The following SYTL4 variants were observed in gnomAD, a reference collection of about 807,000 sequenced individuals.
SYTL4 encodes synaptotagmin like 4, also known as synaptotagmin-like protein 4.
A neutral mutation model predicts 52.7 loss-of-function variants in SYTL4; 16 were observed. That is an observed-to-expected ratio of 0.30 (90% CI 0.21 to 0.46). The LOEUF (loss-of-function observed/expected upper bound fraction) is 0.46, where lower values mean the gene tolerates loss of function less well. SYTL4 is among the 20% of genes least tolerant of loss of function. The pLI, the probability that SYTL4 is intolerant of heterozygous loss-of-function variation, is 1.00. For missense variants in SYTL4, 423 were observed against 519.9 expected (o/e 0.81, Z 1.81); for synonymous variants, 160 against 186.6 (o/e 0.86, Z 1.16).
At position 100,678,494 on chromosome X, in the gene SYTL4, C is replaced by T. The variant is rs1213120379; in HGVS notation, c.1764G>A (p.Arg588=). ...YNHTFVYNGV[R]LEDLQHMCLE... ...GGCACATATGCTGTAGATCTTCCAG[C>T]CTCACACCATTGTAGACAAATGTAT... Residue 588 remains arginine (R), a synonymous_variant, in exon 19 of 20, where the codon AGG becomes AGA. Transcript: ENST00000372989. 1.2e-5 allele frequency: 15 copies of T among 1,208,429 alleles called. No homozygotes were observed. The highest frequency in any genetic ancestry group is 1.7e-5 in the Non-Finnish European group (15 of 894,077).
chrX:100,685,957 A>T (rs774938740), intron 16 of SYTL4, 33 bp downstream of exon 16: 9 of 1,162,304 alleles, frequency 7.7e-6, no homozygotes, highest in Non-Finnish European at 9.2e-6. Context: ...TCTACCTCAG[A>T]TCCAAACTGC....
chrX:100,701,607 A>C lies in SYTL4; in HGVS notation c.177T>G (p.Ser59Arg), dbSNP rs1417146838. ...CCTGGCACCGGGCACAGGTCCGATCACTGTAGTGTTGGCTGCCCCTCTTGG... is the reference window on the plus strand; with the variant it reads ...CCTGGCACCGGGCACAGGTCCGATCCCTGTAGTGTTGGCTGCCCCTCTTGG... Reference protein sequence around the residue: ...KGAKRGSQHYSDRTCARCQES... With the variant: ...KGAKRGSQHYRDRTCARCQES... Residue 59 changes from serine to arginine, a missense_variant, in exon 6 of 20, where the codon AGT becomes AGG. Coordinates refer to ENST00000372989, the MANE Select transcript of SYTL4 (RefSeq NM_001370165.1). 8.3e-7 allele frequency: 1 copy of C among 1,209,928 alleles called. No homozygotes were observed. The highest frequency in any genetic ancestry group is 1.8e-5 in the African/African-American group (1 of 57,089).
At chrX:100,715,740 G>A (rs1366273670) in intron 2 of SYTL4, among the ~76,000 whole-genome samples, 1 of 108,669 alleles carries the variant, frequency 9.2e-6, no homozygotes, top group Non-Finnish European at 1.9e-5. Context: ...GGACTACACG[G>A]TGAAACCCCA....
At chrX:100,730,268 T>A (rs1213633441) in intron 2 of SYTL4, among the ~76,000 whole-genome samples, 1 of 111,470 alleles carries the variant, frequency 9.0e-6, no homozygotes, top group Non-Finnish European at 1.9e-5. Flanking sequence ...GGGTAAGACA[T>A]CAGTAAGGTA....
At chrX:100,698,499 TAAGA>T (rs1400234554) in intron 8 of SYTL4, among the ~76,000 whole-genome samples, 3 of 111,574 alleles carry the variant, frequency 2.7e-5, no homozygotes, top group African/African-American at 9.8e-5. Context: ...CTCTCATCCA[TAAGA>T]AAGAAAGACA....
chrX:100,716,340 T>A (rs1452674488), intron 2 of SYTL4, among the ~76,000 whole-genome samples: 2 of 101,705 alleles, frequency 2.0e-5, no homozygotes, highest in East Asian at 6.2e-4. Context: ...TCCCAGCTAC[T>A]CGGGAAGGCT....
chrX:100,730,094 A>C (rs1238993083), intron 2 of SYTL4, among the ~76,000 whole-genome samples: 1 of 110,673 alleles, frequency 9.0e-6, no homozygotes, highest in Non-Finnish European at 1.9e-5. Context: ...GGAGAGGAAG[A>C]AGTTGAGTCA....
chrX:100,687,496 A>G (rs1026557317), intron 13 of SYTL4: 14 of 361,778 alleles, frequency 3.9e-5, no homozygotes, highest in Non-Finnish European at 6.7e-5. Context: ...TCTTTTTACA[A>G]ATTTTAGTGT....
intron 8 of SYTL4, among the ~76,000 whole-genome samples, chrX:100,697,611 G>A (rs1451782794): frequency 1.8e-5 from 2 of 111,736 alleles, no homozygotes; most frequent in Non-Finnish European, 1.9e-5. Context: ...TTACACTACA[G>A]GGGAACTAAT....
At chrX:100,681,407 AT>A in intron 16 of SYTL4, 72 bp from the exon 17 acceptor site, 1 of 823,840 alleles carries the variant, frequency 1.2e-6, no homozygotes, top group Non-Finnish European at 1.8e-6. Flanking sequence ...TCTGAAAAAA[AT>A]TCTAAAATTA....
intron 2 of SYTL4, among the ~76,000 whole-genome samples, chrX:100,716,362 A>C (rs2084211031): frequency 9.8e-6 from 1 of 102,517 alleles, no homozygotes; most frequent in African/African-American, 3.6e-5. Context: ...AGGCAGAAGA[A>C]TCACGTGAAC....
In SYTL4 at chrX:100,726,106, G is replaced by A. The variant is rs781566579; in HGVS notation, c.-240+5312C>T. On this transcript the variant is annotated intron_variant, in intron 2 of 19. Coordinates refer to ENST00000372989, the MANE Select transcript of SYTL4 (RefSeq NM_001370165.1). ...CTCCCTATTTCTGTCACGGCCACCC[G>A]GAAAAAATTCCCCATACTAGATTGT... Among the ~76,000 whole-genome samples the A allele has an allele frequency of 1.1e-4, 12 of 108,129 alleles. No individual in the cohort carries two copies. The South Asian group carries it at 4.5e-3, about 41-fold the overall frequency. The allele number at this position is 108,129 out of a possible 115,157, so 93.9% of individuals were successfully genotyped here.
rs145503760 is a variant in SYTL4 at position 100,678,389 on chromosome X, A to G, written c.1867+2T>C. 3.3e-6 allele frequency: 4 copies of G among 1,200,155 alleles called. No individual in the cohort carries two copies. The highest frequency in any genetic ancestry group is 4.5e-6 in the Non-Finnish European group (4 of 885,378). ...AAGTGAGGATGGGGGAGGGGATCTC[A>G]CCAGTGCCAACACCCAGCCTGACCC... is the stretch of plus-strand genomic sequence containing the variant. On this transcript the variant is annotated splice_donor_variant, in intron 19 of 19. Coordinates refer to ENST00000372989, the MANE Select transcript of SYTL4 (RefSeq NM_001370165.1). LOFTEE classifies it high-confidence loss of function.
At chrX:100,688,617 G>A (rs1375384556) in intron 12 of SYTL4, among the ~76,000 whole-genome samples, 174 bp from the exon 13 acceptor site, 12 of 105,763 alleles carry the variant, frequency 1.1e-4, no homozygotes, top group Admixed American at 5.0e-4. Context: ...CAGGCTGGAG[G>A]GCAATGGCGC....
intron 2 of SYTL4, among the ~76,000 whole-genome samples, chrX:100,728,976 G>A (rs933814727): frequency 9.1e-6 from 1 of 109,438 alleles, no homozygotes; most frequent in Non-Finnish European, 1.9e-5. Flanking sequence ...GGCAGAGCTT[G>A]CAGTGAGCCA....
chrX:100,691,731 G>A (rs1038387389), intron 8 of SYTL4, among the ~76,000 whole-genome samples: 1 of 111,354 alleles, frequency 9.0e-6, no homozygotes, highest in African/African-American at 3.3e-5. Flanking sequence ...GTAGAGATGG[G>A]GTTTCAATGT....
intron 12 of SYTL4, among the ~76,000 whole-genome samples, chrX:100,689,076 GA>G (rs1348504203): frequency 4.6e-4 from 50 of 109,469 alleles, no homozygotes; most frequent in African/African-American, 1.5e-3. Flanking sequence ...CAATTTATTA[GA>G]AAATAAAAGA....
At position 100,710,460 on chromosome X, in the gene SYTL4, T is replaced by TA. The variant is rs756514497; in HGVS notation, c.-239-5575dup. On this transcript the variant is annotated intron_variant, in intron 2 of 19. Transcript: ENST00000372989. ...CTACGTCAAGAAATGTGATGGTGTC[T>TA]ACACTTTTTTCGAAAGATGAGAATT... is the stretch of plus-strand genomic sequence containing the variant. Among the ~76,000 whole-genome samples the TA allele has an allele frequency of 2.1e-3, 234 of 112,191 alleles. 1 individual carries two copies. Among genetic ancestry groups the TA allele is most frequent in the African/African-American group, 6.5e-3 (201 of 30,942 alleles).
intron 13 of SYTL4, chrX:100,688,064 C>A: frequency 4.2e-6 from 1 of 237,096 alleles, no homozygotes; most frequent in Non-Finnish European, 7.5e-6. Flanking sequence ...CACTTCATAG[C>A]CTGGGTACCC....
Sources: gnomAD v4.1 joint callset for allele counts (sites outside exome capture counted in the v4.1 genomes callset) on GRCh38, gnomAD v4.1.1 for gene constraint, MANE v1.5 for transcripts, NCBI Gene and HGNC (gene_info 2026-07-23, HGNC 2026-07-21) for gene names.